Variants in LUZP1 observed in about 807,000 individuals in gnomAD.
The protein encoded by LUZP1 is filamin mechanobinding actin cross-linking protein.
A neutral mutation model predicts 71.3 loss-of-function variants in LUZP1; 25 were observed. The ratio of observed to expected loss-of-function variants is 0.35; its 90% CI spans 0.26 to 0.49. The LOEUF is 0.49. Among genes scored for constraint, LUZP1 ranks in the 20% least tolerant of loss-of-function variants. The pLI is 0.99. For synonymous variants in LUZP1, 481 were observed against 506.4 expected (o/e 0.95, Z 0.67); for missense variants, 1,142 against 1,300.8 (o/e 0.88, Z 1.88).
chr1:23,117,493 C>A (rs1287945854), intron 2 of LUZP1, among the ~76,000 whole-genome samples: 2 of 7,984 alleles, frequency 2.5e-4, no homozygotes, highest in South Asian at 7.6e-3. Flanking sequence ...CCCCCCCCCA[C>A]AATCAGGAAG....
At chr1:23,145,992 T>C (rs950893490) in intron 2 of LUZP1, among the ~76,000 whole-genome samples, 2 of 152,148 alleles carry the variant, frequency 1.3e-5, no homozygotes, top group African/African-American at 4.8e-5. Context: ...AGTAAAACAT[T>C]CAACAAATAA....
chr1:23,123,708 C>T (rs1265126236), intron 2 of LUZP1, among the ~76,000 whole-genome samples: 1 of 152,140 alleles, frequency 6.6e-6, no homozygotes, highest in Admixed American at 6.5e-5. Flanking sequence ...TCTCCCTGCT[C>T]TCAGGCCCTG....
At chr1:23,091,955 C>A in exon 4 of LUZP1, 1 of 1,614,156 alleles carries the variant, frequency 6.2e-7, no homozygotes, top group Non-Finnish European at 8.5e-7. Context: ...CAGATCCTCC[C>A]ATGATTTTTT....
chr1:23,093,519 G>A lies in LUZP1; in HGVS notation c.743C>T (p.Ser248Phe), dbSNP rs907098324. Residue 248 changes from serine (S) to phenylalanine (F), a missense_variant, in exon 4 of 5, where the codon TCC becomes TTC. By Grantham distance (155) the Ser-to-Phe change is radical (BLOSUM62 -2). Coordinates refer to ENST00000302291, the Ensembl canonical transcript of LUZP1. This position sits in a 1 kb window ranked among gnomAD's most constrained non-coding sequence, Gnocchi z 4.2. ...TCTTGATTCTTTGGACGGCAGTGTG[G>A]AAGAGATGCCATCCTCAATCCGTAG... is the stretch of plus-strand genomic sequence containing the variant. The A allele has an allele frequency of 4.3e-6, 7 of 1,613,516 alleles. No individual in the cohort carries two copies. The Admixed American group carries it at 1.0e-4, about 23-fold the overall frequency.
At chr1:23,090,887 C>A (rs990411589) in intron 4 of LUZP1, 3 of 717,794 alleles carry the variant, frequency 4.2e-6, no homozygotes, top group Non-Finnish European at 7.8e-6. Flanking sequence ...ACGGGGAGCT[C>A]CTTTAGCTGC....
chr1:23,127,001 T>A (rs555762797), intron 2 of LUZP1, among the ~76,000 whole-genome samples: 28 of 152,308 alleles, frequency 1.8e-4, no homozygotes, highest in African/African-American at 6.7e-4. Flanking sequence ...GAGCTACAAG[T>A]TTCAACAAAA....
chr1:23,128,942 T>C (rs72657851), intron 2 of LUZP1, among the ~76,000 whole-genome samples: 1 of 152,304 alleles, frequency 6.6e-6, no homozygotes, highest in South Asian at 2.1e-4. Flanking sequence ...CAATAAACAT[T>C]AACAGCATAA....
intron 2 of LUZP1, among the ~76,000 whole-genome samples, chr1:23,151,109 T>A (rs2124730163): frequency 6.6e-6 from 1 of 152,242 alleles, no homozygotes; most frequent in South Asian, 2.1e-4. Context: ...AATGGTGCAA[T>A]CTCGGCTCAC....
At chr1:23,116,319 G>A (rs899188433) in intron 2 of LUZP1, among the ~76,000 whole-genome samples, 3 of 152,202 alleles carry the variant, frequency 2.0e-5, no homozygotes, top group African/African-American at 7.2e-5. Flanking sequence ...GACTGAGGCT[G>A]CAGTGAGTGG....
rs1643878897 is a variant in LUZP1, at chr1:23,093,949, C to T, written c.313G>A (p.Glu105Lys). Reference sequence around the variant, plus strand: ...AGCCGCTCAATCTCAGATTTCAGCTCCCGGGTGAGGTTTTCTTCCTCTTCA... The same window carrying T: ...AGCCGCTCAATCTCAGATTTCAGCTTCCGGGTGAGGTTTTCTTCCTCTTCA... Residue 105 changes from glutamate (E) to lysine (K), a missense_variant, in exon 4 of 5, where the codon GAG (glutamate) becomes AAG (lysine). Coordinates refer to ENST00000302291, the Ensembl canonical transcript of LUZP1. The surrounding 1 kb of genome is among the most constrained non-coding windows in gnomAD (Gnocchi z 4.2). The T allele has an allele frequency of 6.2e-7, 1 of 1,614,060 alleles. No individual in the cohort carries two copies. The highest frequency in any genetic ancestry group is 1.3e-5 in the African/African-American group (1 of 74,912).
intron 2 of LUZP1, among the ~76,000 whole-genome samples, chr1:23,143,032 A>G (rs919916877): frequency 6.6e-6 from 1 of 151,388 alleles, no homozygotes; most frequent in African/African-American, 2.4e-5. Context: ...GTTTTTTGAT[A>G]GAGTCTTACT....
At chr1:23,107,663 G>A (rs139499962) in intron 3 of LUZP1, among the ~76,000 whole-genome samples, 1,960 of 152,184 alleles carry the variant, frequency 0.013, 28 homozygotes, top group African/African-American at 0.044. Context: ...TAGCCCAGGC[G>A]TGGTGGCACA....
chr1:23,166,497 A>T (rs1644510849), intron 2 of LUZP1, among the ~76,000 whole-genome samples: 1 of 151,954 alleles, frequency 6.6e-6, no homozygotes, highest in African/African-American at 2.4e-5. Flanking sequence ...TCCACTAAAA[A>T]TACAAAAATT....
chr1:23,122,271 GA>G (rs1644136355), intron 2 of LUZP1, among the ~76,000 whole-genome samples: 2 of 152,104 alleles, frequency 1.3e-5, no homozygotes, highest in South Asian at 4.1e-4. Context: ...AGAGCCAAAA[GA>G]AATGACTAGA....
intron 2 of LUZP1, among the ~76,000 whole-genome samples, chr1:23,128,280 G>C (rs1407396904): frequency 6.6e-6 from 1 of 151,718 alleles, no homozygotes; most frequent in Non-Finnish European, 1.5e-5. Flanking sequence ...TCATTACTAT[G>C]GGAATTTGGA....
At chr1:23,092,915 C>G (rs774317729) in exon 4 of LUZP1, 1 of 1,613,844 alleles carries the variant, frequency 6.2e-7, no homozygotes, top group Non-Finnish European at 8.5e-7. Context: ...CTTCAGTTTT[C>G]TTTGTCTCCT....
chr1:23,095,164 C>G (rs1001148989), intron 3 of LUZP1, among the ~76,000 whole-genome samples: 2 of 152,102 alleles, frequency 1.3e-5, no homozygotes, highest in African/African-American at 2.4e-5. Context: ...AATAATACCC[C>G]AAGGAAATAG....
chr1:23,136,971 T>C (rs1053348916), intron 2 of LUZP1, among the ~76,000 whole-genome samples: 1 of 152,206 alleles, frequency 6.6e-6, no homozygotes, highest in Non-Finnish European at 1.5e-5. Context: ...ACTTCCTTTC[T>C]TGTAATCAAA....
At chr1:23,092,720 G>A (rs999057300) in exon 4 of LUZP1, 1 of 1,613,894 alleles carries the variant, frequency 6.2e-7, no homozygotes, top group Non-Finnish European at 8.5e-7. Context: ...ATCCATGGGT[G>A]GTGTCACTAA....
Sources: gnomAD v4.1 joint callset for allele counts (sites outside exome capture counted in the v4.1 genomes callset) on GRCh38, gnomAD v4.1.1 for gene constraint, Gnocchi (gnomAD v3.1) non-coding constraint, MANE v1.5 for transcripts, NCBI Gene and HGNC (gene_info 2026-07-23, HGNC 2026-07-21) for gene names.